Variants in BBS9 observed in about 807,000 individuals in gnomAD.
The protein encoded by BBS9 is Bardet-Biedl syndrome 9.
A neutral mutation model predicts 117.7 loss-of-function variants in BBS9; 89 were observed. The observed-to-expected ratio is 0.76, with a 90% CI of 0.64 to 0.90. BBS9 has a LOEUF of 0.90. Among genes scored for constraint, BBS9 ranks in the 40% least tolerant of loss-of-function variants. The pLI is 0.00. For synonymous variants in BBS9, 379 were observed against 370.9 expected (o/e 1.02, Z -0.25); for missense variants, 982 against 1,042.2 (o/e 0.94, Z 0.80).
chr7:33,400,362 CAT>C (rs1314919996), intron 19 of BBS9, among the ~76,000 whole-genome samples: 1 of 152,078 alleles, frequency 6.6e-6, no homozygotes, highest in Admixed American at 6.6e-5. Flanking sequence ...CAGAAAAATA[CAT>C]AAGTGGCCTC....
chr7:33,613,583 A>G (rs1864985314), intron 21 of BBS9, among the ~76,000 whole-genome samples: 1 of 152,014 alleles, frequency 6.6e-6, no homozygotes, highest in African/African-American at 2.4e-5. Flanking sequence ...TGCCACACAG[A>G]AAAATAATAC....
At chr7:33,167,886 G>A (rs1442582388) in intron 4 of BBS9, among the ~76,000 whole-genome samples, 1 of 152,058 alleles carries the variant, frequency 6.6e-6, no homozygotes, top group African/African-American at 2.4e-5. Context: ...ATTAACTGTG[G>A]AAATAACTTT....
intron 1 of BBS9, among the ~76,000 whole-genome samples, chr7:33,141,450 C>A (rs114334844): frequency 0.012 from 1,835 of 152,182 alleles, 34 homozygotes; most frequent in African/African-American, 0.043. Flanking sequence ...ACTGCAGCCT[C>A]GAACTCCTGG....
intron 2 of BBS9, 47 bp from the exon 3 acceptor site, chr7:33,152,654 T>A: frequency 6.5e-7 from 1 of 1,531,638 alleles, no homozygotes; most frequent in East Asian, 2.3e-5. Context: ...AGAGATTTGC[T>A]AATGTTTGTT....
chr7:33,244,298 A>T (rs930433013), intron 5 of BBS9, among the ~76,000 whole-genome samples: 1 of 152,182 alleles, frequency 6.6e-6, no homozygotes, highest in Non-Finnish European at 1.5e-5. Flanking sequence ...CAACCCTACG[A>T]TGTTCTCCAG....
intron 21 of BBS9, among the ~76,000 whole-genome samples, chr7:33,567,088 A>C (rs1274334748): frequency 1.3e-5 from 2 of 152,162 alleles, no homozygotes; most frequent in Non-Finnish European, 2.9e-5. Flanking sequence ...AAGTAGATTT[A>C]ATTAGATGTG....
intron 7 of BBS9, among the ~76,000 whole-genome samples, chr7:33,269,437 C>G (rs1204485730): frequency 6.8e-6 from 1 of 147,832 alleles, no homozygotes; most frequent in Non-Finnish European, 1.5e-5. Flanking sequence ...GATTGCAGCT[C>G]TGCATCTCTC....
chr7:33,566,215 G>A (rs1156345737), intron 21 of BBS9, among the ~76,000 whole-genome samples: 1 of 151,458 alleles, frequency 6.6e-6, no homozygotes, highest in Non-Finnish European at 1.5e-5. Context: ...CATAATGTTA[G>A]GTCAGTGATC....
intron 19 of BBS9, among the ~76,000 whole-genome samples, chr7:33,393,880 T>A (rs889972517): frequency 6.6e-6 from 1 of 152,182 alleles, no homozygotes; most frequent in Non-Finnish European, 1.5e-5. Flanking sequence ...TTAATAGTTT[T>A]GAGTTTTGGT....
chr7:33,172,437 G>A (rs1024161655), intron 4 of BBS9, among the ~76,000 whole-genome samples: 1 of 151,634 alleles, frequency 6.6e-6, no homozygotes, highest in Non-Finnish European at 1.5e-5. Context: ...ACCTCGTCAT[G>A]TCCACCTATG....
chr7:33,359,686 A>G (rs1213265911), intron 16 of BBS9, among the ~76,000 whole-genome samples: 1 of 152,118 alleles, frequency 6.6e-6, no homozygotes, highest in African/African-American at 2.4e-5. Flanking sequence ...TAAAGTTGCC[A>G]TTGCAAATCT....
At chr7:33,390,581 T>C (rs535290003) in intron 19 of BBS9, 1 of 967,178 alleles carries the variant, frequency 1.0e-6, no homozygotes, top group African/African-American at 1.8e-5. Context: ...TATATATTTG[T>C]AATAAATGAG....
At chr7:33,237,323 C>G (rs1583806440) in intron 5 of BBS9, among the ~76,000 whole-genome samples, 1 of 152,264 alleles carries the variant, frequency 6.6e-6, no homozygotes, top group African/African-American at 2.4e-5. Flanking sequence ...AACACACAGA[C>G]TTTTGTTCTT....
intron 21 of BBS9, among the ~76,000 whole-genome samples, chr7:33,566,383 A>G (rs1856937365): frequency 6.6e-6 from 1 of 151,992 alleles, no homozygotes; most frequent in South Asian, 2.1e-4. Flanking sequence ...TATGATGTAT[A>G]TGTATACATT....
At chr7:33,326,682 T>C (rs1470441855) in intron 9 of BBS9, among the ~76,000 whole-genome samples, 1 of 151,970 alleles carries the variant, frequency 6.6e-6, no homozygotes, top group Non-Finnish European at 1.5e-5. Flanking sequence ...CCAAGGGCTC[T>C]TTAATCAGTA....
intron 19 of BBS9, among the ~76,000 whole-genome samples, chr7:33,468,054 AT>A (rs898279069): frequency 6.6e-5 from 10 of 152,248 alleles, no homozygotes; most frequent in Non-Finnish European, 1.3e-4. Context: ...GTGATTATTT[AT>A]TTTTTAGGGA....
At chr7:33,491,308 T>A (rs1313142555) in intron 19 of BBS9, among the ~76,000 whole-genome samples, 1 of 152,172 alleles carries the variant, frequency 6.6e-6, no homozygotes, top group African/African-American at 2.4e-5. Flanking sequence ...GCTACCACAT[T>A]AAATGTGGCG....
chr7:33,610,941 T>G (rs1479220161), downstream of BBS9, among the ~76,000 whole-genome samples: 2 of 152,112 alleles, frequency 1.3e-5, no homozygotes, highest in Non-Finnish European at 2.9e-5. Context: ...CTACTAATGC[T>G]TATTTCTTAG....
At chr7:33,413,515 C>T (rs1406726712) in intron 19 of BBS9, among the ~76,000 whole-genome samples, 1 of 152,158 alleles carries the variant, frequency 6.6e-6, no homozygotes, top group Non-Finnish European at 1.5e-5. Context: ...TATTCCCTCA[C>T]ACTGTCTTCA....
Sources: allele counts gnomAD v4.1 joint callset (sites outside exome capture counted in the v4.1 genomes callset), GRCh38; gene constraint gnomAD v4.1.1; transcripts MANE v1.5; gene names NCBI Gene and HGNC (gene_info 2026-07-23, HGNC 2026-07-21).